The following ABCA13 variants were observed in gnomAD, a reference collection of about 807,000 sequenced individuals.
ABCA13 encodes ATP binding cassette subfamily A member 13.
ABCA13 carries 476 observed loss-of-function variants against 478.7 expected under a neutral mutation model. The ratio of observed to expected loss-of-function variants is 0.99; its 90% confidence interval spans 0.92 to 1.07. The LOEUF (loss-of-function observed/expected upper bound fraction) is 1.07, where lower values mean the gene tolerates loss of function less well. Ranked by LOEUF, ABCA13 falls within the 50% of genes least tolerant of loss-of-function variation. ABCA13 has a pLI of 0.00. For synonymous variants in ABCA13, 2,252 were observed against 2,158.9 expected (o/e 1.04, Z -1.20); for missense variants, 6,060 against 5,910.6 (o/e 1.03, Z -0.83).
Position 48,272,838 on chromosome 7 carries a change from A to G in ABCA13, c.3172A>G (p.Ile1058Val), listed in dbSNP as rs1270371670. 6.2e-7 allele frequency: 1 copy of G among 1,607,500 alleles called. No homozygotes were observed. Residue 1058 changes from isoleucine (I) to valine (V), a missense_variant, in exon 17 of 62, where the codon ATC becomes GTC. Around this residue, in one of 3 missense-constraint regions of ABCA13, gnomAD observed 4,423 missense variants for 4,309.1 expected, o/e 1.03. Coordinates refer to ENST00000435803, the MANE Select transcript of ABCA13 (RefSeq NM_152701.5). Reference sequence around the variant, plus strand: ...TACAGAGGGCCAAGAACTGGAAGTGATCCACACTACTTTGACAGGCCTCAA... The same window carrying G: ...TACAGAGGGCCAAGAACTGGAAGTGGTCCACACTACTTTGACAGGCCTCAA... ...MSTEGQELEV[I>V]HTTLTGLKQL...
At position 48,272,459 on chromosome 7, in the gene ABCA13, A is replaced by G. The variant is rs758329993; in HGVS notation, c.2793A>G (p.Ser931=). ...TCAGGAATGCATCTGATCTTTTCTC[A>G]GCCCTTTCTGAACCACAAAAACAAG... The part of the protein sequence containing the change: ...YAIRNASDLF[S]ALSEPQKQEV... The change falls in exon 17 of 62, where the codon TCA becomes TCG. Residue 931 remains serine (S), a synonymous_variant. Coordinates refer to ENST00000435803, the MANE Select transcript of ABCA13 (RefSeq NM_152701.5). The G allele has an allele frequency of 6.2e-7, 1 of 1,613,684 alleles. No individual in the cohort carries two copies. The highest frequency in any genetic ancestry group is 1.7e-5 in the Admixed American group (1 of 59,964).
intron 1 of ABCA13, among the ~76,000 whole-genome samples, chr7:48,192,663 G>A (rs912383099): frequency 6.6e-6 from 1 of 152,168 alleles, no homozygotes. Flanking sequence ...TGGGAAATAC[G>A]GGTGAAGTTA....
chr7:48,428,087 A>T (rs34563223), intron 42 of ABCA13, among the ~76,000 whole-genome samples: 41,693 of 151,852 alleles, frequency 0.27, 5,877 homozygotes, highest in East Asian at 0.37. Flanking sequence ...TATGGGACAC[A>T]TTTATCTTTT....
intron 23 of ABCA13, among the ~76,000 whole-genome samples, chr7:48,300,605 T>C (rs556474395): frequency 6.6e-6 from 1 of 152,268 alleles, no homozygotes; most frequent in Non-Finnish European, 1.5e-5. Flanking sequence ...GGCATTTCTG[T>C]CAAAAGACCA....
intron 15 of ABCA13, among the ~76,000 whole-genome samples, chr7:48,268,351 G>T (rs1226689745): frequency 1.3e-5 from 2 of 151,562 alleles, no homozygotes; most frequent in African/African-American, 4.9e-5. Flanking sequence ...TAGAGATGGG[G>T]TTTCACCATG....
chr7:48,231,466 G>A lies in ABCA13; in HGVS notation c.763+1511G>A, dbSNP rs1789064689. On this transcript the variant is annotated intron_variant, in intron 7 of 61. Transcript: ENST00000435803. ...TCTGAGGTACAGTGGGCAGTAGCAG[G>A]GGGTGGCATAGAAAGGAGCCCAGGC... Among the ~76,000 whole-genome samples the A allele has an allele frequency of 2.0e-5, 3 of 152,068 alleles. No homozygotes were observed. In the South Asian group the frequency reaches 6.2e-4, roughly 32 times the overall value.
intron 58 of ABCA13, among the ~76,000 whole-genome samples, chr7:48,604,394 G>T (rs111410358): frequency 2.0e-5 from 3 of 152,128 alleles, no homozygotes; most frequent in African/African-American, 4.8e-5. Context: ...CTCTACACAC[G>T]GCTTTAAATG....
chr7:48,276,166 CT>C lies in ABCA13; in HGVS notation c.6505del (p.Trp2169GlyfsTer4). 6.3e-7 allele frequency: 1 copy of C among 1,594,182 alleles called. No individual in the cohort carries two copies. Among genetic ancestry groups the C allele is most frequent in the Non-Finnish European group, 8.5e-7 (1 of 1,170,634 alleles). ...DIALLAKAIA[T>X]FWGSLKNISR... ...GCTTTGTTAGCCAAAGCTATTGCTA[CT>C]TTTTGGGGCTCTTTAAAAAATATAT... is the stretch of plus-strand genomic sequence containing the variant. On this transcript the variant is annotated frameshift_variant, in exon 17 of 62. Coordinates refer to ENST00000435803, the MANE Select transcript of ABCA13 (RefSeq NM_152701.5). LOFTEE classifies it high-confidence loss of function.
intron 59 of ABCA13, among the ~76,000 whole-genome samples, chr7:48,635,054 C>T (rs564490233): frequency 6.6e-6 from 1 of 152,038 alleles, no homozygotes. Context: ...AAATTTGCCA[C>T]TGGGAGGGCT....
Position 48,350,778 on chromosome 7 carries a change from C to T in ABCA13, c.10340C>T (p.Thr3447Ile), listed in dbSNP as rs775953457. 2 of 1,613,836 alleles carry T rather than the reference C, an allele frequency of 1.2e-6. No homozygotes were observed. The highest frequency in any genetic ancestry group is 2.2e-5 in the South Asian group (2 of 91,068). ...CTGCAGTCTGTCGACATCCTGGAGA[C>T]TAAAGCACATGAACTCTTGCAGCAG... ...QALQSVDILE[T>I]KAHELLQQNS... The change falls in exon 30 of 62, where the codon ACT (threonine) becomes ATT (isoleucine). Residue 3447 changes from threonine to isoleucine, a missense_variant. Transcript: ENST00000435803.
At chr7:48,176,587 A>G (rs1000065737) in intron 1 of ABCA13, among the ~76,000 whole-genome samples, 4 of 152,334 alleles carry the variant, frequency 2.6e-5, no homozygotes, top group African/African-American at 9.6e-5. Context: ...GCCAGGGCTC[A>G]TCCTCTGACC....
chr7:48,519,993 AG>A (rs1263342148), intron 52 of ABCA13, 47 bp from the exon 53 acceptor site: 1 of 1,528,980 alleles, frequency 6.5e-7, no homozygotes, highest in Non-Finnish European at 8.8e-7. Context: ...TATTATGAAA[AG>A]GGGAATAGCT....
rs71006559 is a variant in ABCA13 at position 48,232,139 on chromosome 7, A to ATTTTTTTTTTTTTTTTTTT, written c.764-1872_764-1854dup. On this transcript the variant is annotated intron_variant, in intron 7 of 61. Coordinates refer to ENST00000435803, the MANE Select transcript of ABCA13 (RefSeq NM_152701.5). ...CTCAGCACAGTGAGACCCACATGGA[A>ATTTTTTTTTTTTTTTTTTT]TTTTTTTTTTTTTTTTTTTTTTTTT... Among the ~76,000 whole-genome samples, 99 of 51,298 alleles carry ATTTTTTTTTTTTTTTTTTT rather than the reference A, an allele frequency of 1.9e-3. 10 individuals are homozygous for ATTTTTTTTTTTTTTTTTTT. The highest frequency in any genetic ancestry group is 3.8e-3 in the East Asian group (7 of 1,844). The allele number at this position is 51,298 out of a possible 152,430, so 33.7% of individuals were successfully genotyped here.
chr7:48,508,873 C>G (rs1177331384), intron 50 of ABCA13, among the ~76,000 whole-genome samples: 1 of 152,198 alleles, frequency 6.6e-6, no homozygotes, highest in African/African-American at 2.4e-5. Flanking sequence ...TTTCTTTGAG[C>G]TGGCTTAGAA....
chr7:48,275,651 A>C lies in ABCA13; in HGVS notation c.5985A>C (p.Gln1995His). 6.2e-7 allele frequency: 1 copy of C among 1,601,546 alleles called. No homozygotes were observed. The highest frequency in any genetic ancestry group is 8.5e-7 in the Non-Finnish European group (1 of 1,173,174). Residue 1995 changes from glutamine (Q) to histidine (H), a missense_variant, in exon 17 of 62, where the codon CAA becomes CAC. Transcript: ENST00000435803. ...ATGAAGACACAGAGACATCTGTTCA[A>C]AATATTATTTCCTCAAATTTGGAAA... ...NINEDTETSV[Q>H]NIISSNLERT...
In ABCA13 at chr7:48,345,055, A is replaced by G. The variant is rs1364975148; in HGVS notation, c.10205-5588A>G. On this transcript the variant is annotated intron_variant, in intron 29 of 61. Coordinates refer to ENST00000435803, the MANE Select transcript of ABCA13 (RefSeq NM_152701.5). ...GATCTGCATACATGATGATGTTCCTATAAGGTCATAATGAGCTGAAAATTC... is the reference window on the plus strand; with the variant it reads ...GATCTGCATACATGATGATGTTCCTGTAAGGTCATAATGAGCTGAAAATTC... Among the ~76,000 whole-genome samples, 6 of 152,292 alleles carry G rather than the reference A, an allele frequency of 3.9e-5. No homozygotes were observed. The South Asian group carries it at 8.3e-4, about 21-fold the overall frequency.
intron 3 of ABCA13, among the ~76,000 whole-genome samples, chr7:48,215,459 A>G (rs1204035671): frequency 1.3e-5 from 2 of 152,224 alleles, no homozygotes; most frequent in African/African-American, 2.4e-5. Flanking sequence ...GATTTAAAAT[A>G]TTTTGTGAGG....
At position 48,175,659 on chromosome 7, in the gene ABCA13, G is replaced by A. The variant is rs181136160; in HGVS notation, c.69+4107G>A. On this transcript the variant is annotated intron_variant, in intron 1 of 61. Transcript: ENST00000435803. The stretch of plus-strand genomic sequence containing the variant: ...TTGCCTAGAACTCCTGACCTCAGGG[G>A]AGCCACCCGCCTTGGCCTCCCCAAG... 2.0e-5 allele frequency among the ~76,000 whole-genome samples: 3 copies of A among 152,260 alleles called. No individual in the cohort carries two copies. The East Asian group carries it at 5.8e-4, about 29-fold the overall frequency.
intron 59 of ABCA13, among the ~76,000 whole-genome samples, chr7:48,623,253 C>A (rs2131601022): frequency 6.6e-6 from 1 of 152,334 alleles, no homozygotes; most frequent in East Asian, 1.9e-4. Context: ...CAAGTAATTT[C>A]TAATTTCCTG....
Sources: gnomAD v4.1 joint callset for allele counts (sites outside exome capture counted in the v4.1 genomes callset) on GRCh38, gnomAD v4.1.1 for gene constraint, gnomAD v4.1.1 regional missense constraint, MANE v1.5 for transcripts, NCBI Gene and HGNC (gene_info 2026-07-23, HGNC 2026-07-21) for gene names.